The following TMEM131 variants were observed in gnomAD, a reference collection of about 807,000 sequenced individuals.
TMEM131 encodes the protein transmembrane protein 131, also known as 2610524E03Rik.
A neutral mutation model predicts 211.6 loss-of-function variants in TMEM131; 66 were observed. The ratio of observed to expected loss-of-function variants is 0.31; its 90% CI spans 0.26 to 0.38. TMEM131 has a LOEUF of 0.38. TMEM131 is among the 10% of genes least tolerant of loss of function. The pLI is 1.00. For synonymous variants in TMEM131, 844 were observed against 841.3 expected (o/e 1.00, Z -0.06); for missense variants, 2,036 against 2,299.3 (o/e 0.89, Z 2.34).
In TMEM131 at chr2:97,850,814, T is replaced by A. The variant is rs574610033; in HGVS notation, c.484-6553A>T. Among the ~76,000 whole-genome samples, 4 of 152,324 alleles carry A rather than the reference T, an allele frequency of 2.6e-5. No individual in the cohort carries two copies. The South Asian group carries it at 8.3e-4, about 32-fold the overall frequency. ...TCAATGAAGAGATTCATAAGGCCTATGTTTATTACTGAAAATGTATCCAGA... is the reference window on the plus strand; with the variant it reads ...TCAATGAAGAGATTCATAAGGCCTAAGTTTATTACTGAAAATGTATCCAGA... On this transcript the variant is annotated intron_variant, in intron 5 of 40. Transcript: ENST00000186436.
chr2:97,956,819 C>T (rs1678587772), intron 1 of TMEM131, among the ~76,000 whole-genome samples: 1 of 152,006 alleles, frequency 6.6e-6, no homozygotes, highest in South Asian at 2.1e-4. Flanking sequence ...CCAACAGCGG[C>T]TGGGCACGGT....
intron 3 of TMEM131, among the ~76,000 whole-genome samples, chr2:97,897,902 A>C (rs1675682884): frequency 6.6e-6 from 1 of 152,158 alleles, no homozygotes; most frequent in Admixed American, 6.6e-5. Flanking sequence ...CAGATATTTA[A>C]AAACTAATTT....
At chr2:97,908,067 A>G (rs976253715) in intron 3 of TMEM131, among the ~76,000 whole-genome samples, 4 of 152,216 alleles carry the variant, frequency 2.6e-5, no homozygotes, top group African/African-American at 9.7e-5. Context: ...GCATATAGAA[A>G]GAGAATCAGC....
At position 97,766,412 on chromosome 2, in the gene TMEM131, ATTG is replaced by A. The variant is rs1263952074; in HGVS notation, c.4573+63_4573+65del. ...GACTGCTTACTGATAATGCACAACA[ATTG>A]TTAATACGGTGCACTATGAAAAGAT... On this transcript the variant is annotated intron_variant, in intron 34 of 40. Coordinates refer to ENST00000186436, the MANE Select transcript of TMEM131 (RefSeq NM_015348.2). 3.7e-6 allele frequency: 6 copies of A among 1,608,298 alleles called. No homozygotes were observed. In the Admixed American group the frequency reaches 6.7e-5, roughly 18 times the overall value.
intron 11 of TMEM131, among the ~76,000 whole-genome samples, chr2:97,820,975 C>T (rs1038082419): frequency 6.6e-6 from 1 of 151,906 alleles, no homozygotes; most frequent in Non-Finnish European, 1.5e-5. Flanking sequence ...GCCACTTTAT[C>T]TTGAGGCCAA....
chr2:97,922,505 G>T (rs1391488888), intron 2 of TMEM131, among the ~76,000 whole-genome samples: 2 of 152,118 alleles, frequency 1.3e-5, no homozygotes, highest in East Asian at 3.9e-4. Context: ...ATAAATTGGG[G>T]CATATCCATA....
chr2:97,905,781 T>A (rs960288708), intron 3 of TMEM131, among the ~76,000 whole-genome samples: 4 of 152,176 alleles, frequency 2.6e-5, no homozygotes, highest in African/African-American at 9.7e-5. Context: ...GCTGAACACA[T>A]AAAATTGATG....
intron 1 of TMEM131, among the ~76,000 whole-genome samples, chr2:97,945,136 C>T (rs756112544): frequency 1.1e-4 from 16 of 152,002 alleles, no homozygotes; most frequent in Non-Finnish European, 1.9e-4. Context: ...TCAGCCACAA[C>T]AAAAAGGAAT....
chr2:97,813,994 G>T lies in TMEM131; in HGVS notation c.1594C>A (p.Arg532=), dbSNP rs764651975. ...TNASKFHLPV[R]VYTGFLDYFV... ...ACATCTAAAAAGCCTGTGTATACCCGCACGGGTAAATGAAATTTAGAAGCA... is the reference window on the plus strand; with the variant it reads ...ACATCTAAAAAGCCTGTGTATACCCTCACGGGTAAATGAAATTTAGAAGCA... Residue 532 remains arginine (R), a synonymous_variant, in exon 15 of 41, where the codon CGG becomes AGG. Transcript: ENST00000186436. 3.1e-6 allele frequency: 5 copies of T among 1,596,908 alleles called. No homozygotes were observed. The Admixed American group carries it at 5.2e-5, about 17-fold the overall frequency.
At position 97,951,944 on chromosome 2, in the gene TMEM131, A is replaced by G. The variant is rs543999005; in HGVS notation, c.188-24457T>C. Among the ~76,000 whole-genome samples, 15 of 152,204 alleles carry G rather than the reference A, an allele frequency of 9.9e-5. No individual in the cohort carries two copies. The East Asian group carries it at 2.3e-3, about 24-fold the overall frequency. On this transcript the variant is annotated intron_variant, in intron 1 of 40. Transcript: ENST00000186436. ...GAGGCCAAGGCGGGCAGATCACGAG[A>G]TCAGGAGTTCAAGACCAGCCTGACC...
intron 31 of TMEM131, among the ~76,000 whole-genome samples, chr2:97,783,601 T>C (rs1325220078): frequency 1.3e-5 from 2 of 151,960 alleles, no homozygotes; most frequent in African/African-American, 2.4e-5. Context: ...ACATATAATG[T>C]ATACCTAGAG....
intron 1 of TMEM131, among the ~76,000 whole-genome samples, chr2:97,963,672 G>A (rs781511983): frequency 2.0e-5 from 3 of 152,140 alleles, no homozygotes; most frequent in African/African-American, 4.8e-5. Context: ...CGGAGATCGC[G>A]CCACTGCATT....
chr2:97,991,115 A>T (rs1680244205), intron 1 of TMEM131, among the ~76,000 whole-genome samples: 1 of 152,220 alleles, frequency 6.6e-6, no homozygotes, highest in East Asian at 1.9e-4. Context: ...AAATTATATT[A>T]CAATGAAAGT....
chr2:97,840,674 C>T (rs1175921477), intron 7 of TMEM131, among the ~76,000 whole-genome samples: 1 of 152,124 alleles, frequency 6.6e-6, no homozygotes, highest in Non-Finnish European at 1.5e-5. Context: ...GAAACTACAC[C>T]ATTACCTAAA....
chr2:97,801,034 T>C (rs1478340174), intron 25 of TMEM131, among the ~76,000 whole-genome samples: 1 of 152,236 alleles, frequency 6.6e-6, no homozygotes, highest in Non-Finnish European at 1.5e-5. Flanking sequence ...ACTATTCTAA[T>C]AAGGATTGGG....
intron 12 of TMEM131, 132 bp downstream of exon 12, chr2:97,818,481 G>GGGAAAAA (rs796772650): frequency 3.1e-5 from 9 of 293,206 alleles, no homozygotes; most frequent in African/African-American, 5.0e-5. Context: ...GGCGGGGGGG[G>GGGAAAAA]ATCAACCTAA....
chr2:97,759,088 TG>T, intron 39 of TMEM131, 35 bp from the exon 40 acceptor site: 1 of 1,613,652 alleles, frequency 6.2e-7, no homozygotes, highest in Non-Finnish European at 8.5e-7. Context: ...AGTCCATATT[TG>T]GTTTTGCCAT....
intron 31 of TMEM131, 117 bp from the exon 32 acceptor site, chr2:97,776,135 G>C: frequency 1.9e-6 from 2 of 1,026,728 alleles, no homozygotes; most frequent in Admixed American, 2.7e-5. Context: ...CTCACTGCAA[G>C]CTCCGCCTCC....
rs569780682 is a variant in TMEM131, at chr2:97,761,081, A to G, written c.4890-167T>C. The G allele has an allele frequency of 6.5e-5, 53 of 809,272 alleles. No homozygotes were observed. The African/African-American group carries it at 9.0e-4, about 14-fold the overall frequency. 50.1% of individuals were successfully genotyped at this position (809,272 alleles called of 1,614,324 possible). On this transcript the variant is annotated intron_variant, in intron 36 of 40. Coordinates refer to ENST00000186436, the MANE Select transcript of TMEM131 (RefSeq NM_015348.2). The stretch of plus-strand genomic sequence containing the variant: ...ATGCTCTGGGGCCTCAGACTGCTTA[A>G]TCAGACAGAGATAGAGGGCTTTCTG...
Sources: gnomAD v4.1 joint callset for allele counts (sites outside exome capture counted in the v4.1 genomes callset) on GRCh38, gnomAD v4.1.1 for gene constraint, MANE v1.5 for transcripts, NCBI Gene and HGNC (gene_info 2026-07-23, HGNC 2026-07-21) for gene names.